Variants in BMERB1 observed in about 807,000 individuals in gnomAD.
The protein encoded by BMERB1 is bMERB domain-containing protein 1.
BMERB1 carries 12 observed loss-of-function variants against 23.6 expected under a neutral mutation model. The observed-to-expected ratio is 0.51, with a 90% CI of 0.33 to 0.82. The LOEUF (loss-of-function observed/expected upper bound fraction) is 0.82, where lower values mean the gene tolerates loss of function less well. BMERB1 is among the 40% of genes least tolerant of loss of function. The pLI is 0.03. For synonymous variants in BMERB1, 122 were observed against 96.6 expected, an observed-to-expected ratio of 1.26 and a Z score of -1.54; for missense variants, 247 against 255.4, an observed-to-expected ratio of 0.97 and a Z score of 0.22.
intron 2 of BMERB1, among the ~76,000 whole-genome samples, chr16:15,533,589 G>A (rs1438694365): frequency 1.3e-5 from 2 of 152,016 alleles, no homozygotes; most frequent in Non-Finnish European, 2.9e-5. Context: ...CTCTCTGATT[G>A]GTCCAAATTT....
At chr16:15,581,847 ATGT>A (rs1427692926) in intron 4 of BMERB1, among the ~76,000 whole-genome samples, 2 of 152,176 alleles carry the variant, frequency 1.3e-5, no homozygotes, top group African/African-American at 4.8e-5. Context: ...GTGTAAAAAC[ATGT>A]TGTAAATGTT....
chr16:15,553,508 CTG>C (rs1206958989), intron 2 of BMERB1, among the ~76,000 whole-genome samples: 1 of 152,248 alleles, frequency 6.6e-6, no homozygotes, highest in Non-Finnish European at 1.5e-5. Flanking sequence ...TGTACAGTCT[CTG>C]TCGTGATTAC....
intron 2 of BMERB1, among the ~76,000 whole-genome samples, chr16:15,531,911 C>T (rs184797500): frequency 3.4e-4 from 52 of 152,260 alleles, no homozygotes; most frequent in African/African-American, 1.2e-3. Flanking sequence ...AGTTCTAGGA[C>T]AGGATGCCCA....
intron 4 of BMERB1, 46 bp downstream of exon 4, chr16:15,581,377 C>T (rs1188498864): frequency 1.3e-6 from 2 of 1,487,324 alleles, no homozygotes; most frequent in African/African-American, 1.4e-5. Flanking sequence ...AGGACAGCAA[C>T]CTTCTGCTTC....
intron 1 of BMERB1, among the ~76,000 whole-genome samples, chr16:15,441,349 G>A (rs1333923907): frequency 6.6e-6 from 1 of 151,104 alleles, no homozygotes. Flanking sequence ...CTCCTGAGTA[G>A]CTGGAACTAC....
intron 1 of BMERB1, among the ~76,000 whole-genome samples, chr16:15,452,813 C>G (rs188357622): frequency 2.1e-4 from 32 of 152,218 alleles, no homozygotes; most frequent in Non-Finnish European, 3.8e-4. Flanking sequence ...GATCAAGACC[C>G]AACCCTTGAC....
intron 1 of BMERB1, among the ~76,000 whole-genome samples, chr16:15,461,890 G>A (rs1374997151): frequency 6.6e-6 from 1 of 151,714 alleles, no homozygotes; most frequent in Non-Finnish European, 1.5e-5. Context: ...GCTGTGATTG[G>A]GCCACTGCAC....
At chr16:15,453,748 C>T (rs768408605) in intron 1 of BMERB1, among the ~76,000 whole-genome samples, 28 of 151,942 alleles carry the variant, frequency 1.8e-4, no homozygotes, top group Non-Finnish European at 7.4e-5. Context: ...GTGGCACGTG[C>T]CTGTACACCC....
At chr16:15,493,325 A>G (rs1482074788) in intron 1 of BMERB1, among the ~76,000 whole-genome samples, 1 of 152,170 alleles carries the variant, frequency 6.6e-6, no homozygotes, top group Non-Finnish European at 1.5e-5. Context: ...GCACCTGAGA[A>G]ACTGTCACAG....
At chr16:15,489,742 C>G (rs989274523) in intron 1 of BMERB1, among the ~76,000 whole-genome samples, 2 of 152,106 alleles carry the variant, frequency 1.3e-5, no homozygotes, top group Admixed American at 6.6e-5. Context: ...TTACTCTGCT[C>G]CTCCCACGCC....
At chr16:15,563,506 A>G (rs1367244458) in intron 2 of BMERB1, among the ~76,000 whole-genome samples, 1 of 152,094 alleles carries the variant, frequency 6.6e-6, no homozygotes, top group Non-Finnish European at 1.5e-5. Context: ...GGTATGAGCC[A>G]CCGTGCCCAG....
chr16:15,584,557 C>CAAA (rs35390787), intron 5 of BMERB1, among the ~76,000 whole-genome samples: 5 of 125,134 alleles, frequency 4.0e-5, no homozygotes, highest in Non-Finnish European at 1.7e-5. Context: ...GACTCCATCT[C>CAAA]AAAAAAAAAA....
At chr16:15,475,998 C>T (rs1244133732) in intron 1 of BMERB1, among the ~76,000 whole-genome samples, 1 of 152,120 alleles carries the variant, frequency 6.6e-6, no homozygotes, top group East Asian at 1.9e-4. Context: ...ACCCAAAGCT[C>T]CCATCCTGAA....
intron 1 of BMERB1, among the ~76,000 whole-genome samples, chr16:15,454,210 C>G (rs541422640): frequency 2.0e-5 from 3 of 152,148 alleles, no homozygotes; most frequent in Non-Finnish European, 4.4e-5. Flanking sequence ...TAATGTTGGA[C>G]AAATTAGATG....
chr16:15,479,664 A>G (rs1273085432), intron 1 of BMERB1, among the ~76,000 whole-genome samples: 1 of 152,190 alleles, frequency 6.6e-6, no homozygotes, highest in Non-Finnish European at 1.5e-5. Flanking sequence ...AGACATTGAA[A>G]CGATTTGCAA....
At chr16:15,499,571 CT>C (rs2051507367) in intron 1 of BMERB1, among the ~76,000 whole-genome samples, 2 of 152,130 alleles carry the variant, frequency 1.3e-5, no homozygotes, top group Non-Finnish European at 2.9e-5. Flanking sequence ...TCTGCATAAT[CT>C]TGTGGTTCAC....
In BMERB1 at chr16:15,587,493, C is replaced by A; in HGVS notation, c.*664C>A. 1 of 433,038 alleles carries A rather than the reference C, an allele frequency of 2.3e-6. No individual in the cohort carries two copies. Among genetic ancestry groups the A allele is most frequent in the Non-Finnish European group, 4.7e-6 (1 of 213,344 alleles). The allele number at this position is 433,038 out of a possible 1,614,324, so 26.8% of individuals were successfully genotyped here. A position where few individuals can be genotyped will look rare whatever the true frequency, so the allele number is the denominator to read the frequency against. ...ATCAGGACAGCGTCCATTGTGCTCT[C>A]AGTCTGCCTCAGGTGTGTGCCTGGA... On this transcript the variant is annotated 3_prime_UTR_variant, in exon 6 of 6. Coordinates refer to ENST00000300006, the MANE Select transcript of BMERB1 (RefSeq NM_033201.3).
chr16:15,543,143 T>G (rs961545122), intron 2 of BMERB1, among the ~76,000 whole-genome samples: 2 of 151,932 alleles, frequency 1.3e-5, no homozygotes, highest in African/African-American at 2.4e-5. Context: ...GGGGATGGAG[T>G]GGGAAGGTAA....
intron 1 of BMERB1, among the ~76,000 whole-genome samples, chr16:15,463,965 A>G (rs2051159364): frequency 6.6e-6 from 1 of 152,166 alleles, no homozygotes; most frequent in African/African-American, 2.4e-5. Context: ...ATCTTGTGCA[A>G]GAAGAAATTT....
Sources: allele counts gnomAD v4.1 joint callset (sites outside exome capture counted in the v4.1 genomes callset), GRCh38; gene constraint gnomAD v4.1.1; transcripts MANE v1.5; gene names NCBI Gene and HGNC (gene_info 2026-07-23, HGNC 2026-07-21).